The following CCSER1 variants were observed in gnomAD, a reference collection of about 807,000 sequenced individuals.
CCSER1 encodes coiled-coil serine rich protein 1, also known as serine-rich coiled-coil domain-containing protein 1.
CCSER1 carries 41 observed loss-of-function variants against 82.0 expected under a neutral mutation model. The observed-to-expected ratio is 0.50, with a 90% CI of 0.39 to 0.65. CCSER1 has a LOEUF of 0.65. Ranked by LOEUF, CCSER1 falls within the 30% of genes least tolerant of loss-of-function variation. The pLI, the probability that CCSER1 is intolerant of heterozygous loss-of-function variation, is 0.00. For synonymous variants in CCSER1, 414 were observed against 383.9 expected, an observed-to-expected ratio of 1.08 and a Z score of -0.92; for missense variants, 1,119 against 1,064.2, an observed-to-expected ratio of 1.05 and a Z score of -0.72.
At chr4:91,236,781 A>AAGAATAGGAGAAGGCTTCTAACTC (rs1490732421) in intron 10 of CCSER1, among the ~76,000 whole-genome samples, 40 of 152,240 alleles carry the variant, frequency 2.6e-4, no homozygotes, top group Non-Finnish European at 4.4e-4. Context: ...TAGAAGTTCA[A>AAGAATAGGAGAAGGCTTCTAACTC]AGAATAGGAG....
chr4:91,519,083 A>C (rs1325118062), intron 10 of CCSER1, among the ~76,000 whole-genome samples: 1 of 152,210 alleles, frequency 6.6e-6, no homozygotes, highest in Non-Finnish European at 1.5e-5. Flanking sequence ...CCTTGGAGAA[A>C]TGCTGAGCCA....
At chr4:91,283,709 C>A (rs1743080844) in intron 10 of CCSER1, among the ~76,000 whole-genome samples, 1 of 152,008 alleles carries the variant, frequency 6.6e-6, no homozygotes, top group Non-Finnish European at 1.5e-5. Context: ...TCTTAAGCCA[C>A]CTTTATTTAT....
chr4:90,853,704 A>G (rs895982870), intron 8 of CCSER1, among the ~76,000 whole-genome samples: 3 of 152,178 alleles, frequency 2.0e-5, no homozygotes, highest in Non-Finnish European at 4.4e-5. Context: ...AAAAGTCTAT[A>G]TACACTTTGG....
chr4:90,151,979 G>A (rs1384021470), intron 1 of CCSER1, among the ~76,000 whole-genome samples: 1 of 152,156 alleles, frequency 6.6e-6, no homozygotes, highest in African/African-American at 2.4e-5. Flanking sequence ...ATTATCTCCA[G>A]CTCTATTAAG....
At chr4:90,775,140 A>C (rs1197361786) in intron 7 of CCSER1, among the ~76,000 whole-genome samples, 1 of 152,146 alleles carries the variant, frequency 6.6e-6, no homozygotes, top group Non-Finnish European at 1.5e-5. Flanking sequence ...CAAAGATTAC[A>C]ATTGAATTAA....
intron 3 of CCSER1, among the ~76,000 whole-genome samples, chr4:90,313,645 G>A (rs1735688639): frequency 6.6e-6 from 1 of 152,082 alleles, no homozygotes; most frequent in South Asian, 2.1e-4. Flanking sequence ...TGTGGGGAGA[G>A]GCATGGTCTG....
At chr4:90,659,554 T>C (rs777203500) in intron 6 of CCSER1, among the ~76,000 whole-genome samples, 1 of 152,056 alleles carries the variant, frequency 6.6e-6, no homozygotes, top group African/African-American at 2.4e-5. Flanking sequence ...TTCCAAACCA[T>C]GTATTGTGGG....
At chr4:90,584,192 T>A (rs1781735646) in intron 5 of CCSER1, among the ~76,000 whole-genome samples, 1 of 152,164 alleles carries the variant, frequency 6.6e-6, no homozygotes, top group African/African-American at 2.4e-5. Flanking sequence ...ATCATTGATC[T>A]CAACATAAGG....
chr4:90,785,034 C>T (rs1193328259), intron 7 of CCSER1, among the ~76,000 whole-genome samples: 1 of 150,070 alleles, frequency 6.7e-6, no homozygotes, highest in Non-Finnish European at 1.5e-5. Flanking sequence ...AGAATATTCA[C>T]TTATAAGTGG....
chr4:90,861,926 A>ATATATATATTT (rs1486179354), intron 8 of CCSER1, among the ~76,000 whole-genome samples: 4 of 125,666 alleles, frequency 3.2e-5, no homozygotes, highest in Admixed American at 8.5e-5. Context: ...ATATATATAT[A>ATATATATATTT]TTTTTTTTTT....
chr4:90,278,244 C>G (rs1386753522), intron 1 of CCSER1, among the ~76,000 whole-genome samples: 1 of 151,956 alleles, frequency 6.6e-6, no homozygotes, highest in East Asian at 1.9e-4. Flanking sequence ...GCAAATTCGT[C>G]CAGCCACTGT....
At chr4:91,469,729 C>T (rs1331304944) in intron 10 of CCSER1, among the ~76,000 whole-genome samples, 1 of 152,102 alleles carries the variant, frequency 6.6e-6, no homozygotes, top group Middle Eastern at 3.2e-3. Context: ...TTAAACAATT[C>T]TACATTGGAT....
chr4:90,767,322 A>G (rs879259607), intron 7 of CCSER1, among the ~76,000 whole-genome samples: 2 of 152,100 alleles, frequency 1.3e-5, no homozygotes, highest in Non-Finnish European at 2.9e-5. Flanking sequence ...TTTTTCATGA[A>G]AGGCAGCATA....
Position 90,348,321 on chromosome 4 carries a change from C to T in CCSER1, c.1509+35274C>T, listed in dbSNP as rs1434079985. ...ATTCTAAAATGAAAGTTTTTCTACT[C>T]TCATAAAATATTTCAGTATTTTTGT... On this transcript the variant is annotated intron_variant, in intron 3 of 10. Coordinates refer to ENST00000509176, the MANE Select transcript of CCSER1 (RefSeq NM_001145065.2). Among the ~76,000 whole-genome samples the T allele has an allele frequency of 5.3e-5, 8 of 152,264 alleles. No homozygotes were observed. In the East Asian group the frequency reaches 7.7e-4, roughly 15 times the overall value.
chr4:90,658,232 G>A (rs115052548), intron 6 of CCSER1, among the ~76,000 whole-genome samples: 4,788 of 152,108 alleles, frequency 0.031, 185 homozygotes, highest in African/African-American at 0.091. Context: ...ACCTGATAAT[G>A]TTTAATTAAA....
chr4:90,237,711 T>C (rs192879181), intron 1 of CCSER1, among the ~76,000 whole-genome samples: 6 of 152,274 alleles, frequency 3.9e-5, no homozygotes, highest in Non-Finnish European at 7.4e-5. Flanking sequence ...AATTCTACCG[T>C]AGGGTGGACT....
At chr4:90,289,676 A>T (rs1730562125) in intron 1 of CCSER1, among the ~76,000 whole-genome samples, 1 of 151,912 alleles carries the variant, frequency 6.6e-6, no homozygotes, top group Admixed American at 6.6e-5. Context: ...GTGCTGATTC[A>T]GTAGTTTTTC....
chr4:90,990,439 A>G (rs1421972134), intron 9 of CCSER1, among the ~76,000 whole-genome samples: 2 of 152,008 alleles, frequency 1.3e-5, no homozygotes, highest in African/African-American at 2.4e-5. Flanking sequence ...TCTGGATATT[A>G]TAGTTCTTAA....
At chr4:90,316,120 T>G (rs573932831) in intron 3 of CCSER1, among the ~76,000 whole-genome samples, 1 of 152,228 alleles carries the variant, frequency 6.6e-6, no homozygotes, top group Non-Finnish European at 1.5e-5. Context: ...CTGACATGTA[T>G]TATCACATTC....
Sources: allele counts gnomAD v4.1 joint callset (sites outside exome capture counted in the v4.1 genomes callset), GRCh38; gene constraint gnomAD v4.1.1; transcripts MANE v1.5; gene names NCBI Gene and HGNC (gene_info 2026-07-23, HGNC 2026-07-21).